The following COPB1 variants were observed in gnomAD, a reference collection of about 807,000 sequenced individuals.
The protein encoded by COPB1 is coatomer subunit beta.
Under a neutral mutation model 108.7 loss-of-function variants are expected in COPB1, and 21 were observed. The ratio of observed to expected loss-of-function variants is 0.19; its 90% CI spans 0.14 to 0.28. The LOEUF (loss-of-function observed/expected upper bound fraction) is 0.28. Ranked by LOEUF, COPB1 falls within the 10% of genes least tolerant of loss-of-function variation. The pLI is 1.00. For synonymous variants in COPB1, 378 were observed against 386.8 expected (o/e 0.98, Z 0.27); for missense variants, 919 against 1,141.3 (o/e 0.81, Z 2.81).
Position 14,457,888 on chromosome 11 carries a change from A to G in COPB1, c.2803-5T>C. ...TCCAAGACTTAAGGCCATTCCCTGT[A>G]AAGAAAAATTAAGATATTTATAATT... is the stretch of plus-strand genomic sequence containing the variant. On this transcript the variant is annotated splice_region_variant and splice_polypyrimidine_tract_variant and intron_variant, in intron 21 of 21. Coordinates refer to ENST00000439561, the MANE Select transcript of COPB1 (RefSeq NM_001144061.2). The G allele has an allele frequency of 6.5e-7, 1 of 1,542,538 alleles. No individual in the cohort carries two copies. The highest frequency in any genetic ancestry group is 1.4e-5 in the African/African-American group (1 of 72,290).
chr11:14,497,825 T>C (rs911509122), intron 2 of COPB1, among the ~76,000 whole-genome samples: 3 of 152,022 alleles, frequency 2.0e-5, no homozygotes, highest in African/African-American at 7.2e-5. Flanking sequence ...ATAAAGAAAA[T>C]GTGGTACATA....
At position 14,457,781 on chromosome 11, in the gene COPB1, T is replaced by A; in HGVS notation, c.*43A>T. On this transcript the variant is annotated 3_prime_UTR_variant, in exon 22 of 22. Transcript: ENST00000439561. The stretch of plus-strand genomic sequence containing the variant: ...AAGATGTTGGAGTCCAGTAAGCCCA[T>A]ACCTAAATTAACTGTAAAGCTTCAA... 1.6e-6 allele frequency: 2 copies of A among 1,253,112 alleles called. No individual in the cohort carries two copies. Among genetic ancestry groups the A allele is most frequent in the Non-Finnish European group, 1.2e-6 (1 of 854,526 alleles). The allele number at this position is 1,253,112 out of a possible 1,614,324, so 77.6% of individuals were successfully genotyped here.
Position 14,460,279 on chromosome 11 carries a change from T to C in COPB1, c.2575A>G (p.Met859Val), listed in dbSNP as rs773307855. 1.2e-6 allele frequency: 2 copies of C among 1,610,254 alleles called. No individual in the cohort carries two copies. Among genetic ancestry groups the C allele is most frequent in the Non-Finnish European group, 8.5e-7 (1 of 1,177,664 alleles). Residue 859 changes from methionine (M) to valine (V), a missense_variant, in exon 20 of 22, where the codon ATG (methionine) becomes GTG (valine). Transcript: ENST00000439561. Reference sequence around the variant, plus strand: ...TGTAAGTAGTCATTTAAATCAACCATGTTGGTGTTAACTGTCACCTGTAGA... The same window carrying C: ...TGTAAGTAGTCATTTAAATCAACCACGTTGGTGTTAACTGTCACCTGTAGA... ...WENKVTVNTN[M>V]VDLNDYLQHI...
intron 18 of COPB1, among the ~76,000 whole-genome samples, chr11:14,464,044 G>A (rs1213877588): frequency 1.3e-5 from 2 of 152,118 alleles, no homozygotes; most frequent in Non-Finnish European, 2.9e-5. Flanking sequence ...TCTCTCCACA[G>A]ATAAAGTCTA....
chr11:14,478,830 C>G (rs1850589460), intron 11 of COPB1: 2 of 151,756 alleles, frequency 1.3e-5, no homozygotes, highest in Non-Finnish European at 2.9e-5. Context: ...TAAATTTATT[C>G]AGAAAAACTT....
At chr11:14,460,082 A>G (rs1850110887) in intron 20 of COPB1, 126 bp downstream of exon 20, 1 of 589,672 alleles carries the variant, frequency 1.7e-6, no homozygotes, top group Non-Finnish European at 3.0e-6. Context: ...ATGGGATAAC[A>G]TCTTTTAGAT....
chr11:14,460,564 C>T (rs566194298), intron 19 of COPB1, among the ~76,000 whole-genome samples: 38 of 152,008 alleles, frequency 2.5e-4, no homozygotes, highest in African/African-American at 8.7e-4. Context: ...GTCACCCAGG[C>T]TAGAGTGCAG....
chr11:14,457,936 A>G (rs1243857223), intron 21 of COPB1, 53 bp from the exon 22 acceptor site: 2 of 1,076,492 alleles, frequency 1.9e-6, no homozygotes, highest in Admixed American at 5.0e-5. Context: ...TACAATCAGT[A>G]GGTTATTCCA....
chr11:14,462,233 C>CTT (rs928263474), intron 18 of COPB1, among the ~76,000 whole-genome samples: 10 of 134,184 alleles, frequency 7.5e-5, no homozygotes, highest in Admixed American at 2.2e-4. Flanking sequence ...CTTTTCTTTT[C>CTT]TTTTTTTTTT....
rs1850825804 is a variant in COPB1, at chr11:14,488,581, G to A, written c.610C>T (p.Arg204Ter). 6.3e-7 allele frequency: 1 copy of A among 1,591,916 alleles called. No individual in the cohort carries two copies. The highest frequency in any genetic ancestry group is 8.6e-7 in the Non-Finnish European group (1 of 1,166,698). Residue 204 changes from arginine to a stop codon, truncating the protein, a stop_gained, in exon 6 of 22, where the codon CGA (arginine) becomes TGA (stop). Coordinates refer to ENST00000439561, the MANE Select transcript of COPB1 (RefSeq NM_001144061.2). LOFTEE classifies it high-confidence loss of function. ...FMMLIHADQD[R>*]ALDYLSTCID... is the part of the protein sequence containing the mutation. ...CAAGTACTTAAGTAATCCAAAGCTCGATCCTAAAAAAAATAAGAATATATT... is the reference window on the plus strand; with the variant it reads ...CAAGTACTTAAGTAATCCAAAGCTCAATCCTAAAAAAAATAAGAATATATT...
chr11:14,458,634 T>C lies in COPB1; in HGVS notation c.2700A>G (p.Ile900Met). The change falls in exon 21 of 22, where the codon ATA becomes ATG. Residue 900 changes from isoleucine (I) to methionine (M), a missense_variant. By Grantham distance (10) the Ile-to-Met change is conservative. Coordinates refer to ENST00000439561, the MANE Select transcript of COPB1 (RefSeq NM_001144061.2). Reference sequence around the variant, plus strand: ...CATTTGCAAGTGCATCTTCACCAAATATGGAACGAGCATAAAGGTTGGCTG... The same window carrying C: ...CATTTGCAAGTGCATCTTCACCAAACATGGAACGAGCATAAAGGTTGGCTG... The part of the protein sequence containing the change: ...FMAANLYARS[I>M]FGEDALANVS... 1.2e-6 allele frequency: 2 copies of C among 1,613,872 alleles called. No homozygotes were observed. Among genetic ancestry groups the C allele is most frequent in the Non-Finnish European group, 1.7e-6 (2 of 1,179,930 alleles).
intron 8 of COPB1, among the ~76,000 whole-genome samples, chr11:14,482,745 A>T (rs1414943091): frequency 1.3e-5 from 2 of 152,212 alleles, no homozygotes; most frequent in Non-Finnish European, 2.9e-5. Context: ...CATGTTGGCC[A>T]GGCTGGTCTC....
chr11:14,477,768 C>T (rs1167860033), intron 11 of COPB1, among the ~76,000 whole-genome samples: 6 of 151,830 alleles, frequency 4.0e-5, no homozygotes, highest in South Asian at 4.2e-4. Context: ...TGCAGTGGCA[C>T]GCACCTGTAG....
intron 3 of COPB1, among the ~76,000 whole-genome samples, 154 bp from the exon 4 acceptor site, chr11:14,493,965 T>C (rs1289138626): frequency 1.3e-5 from 2 of 152,246 alleles, no homozygotes; most frequent in African/African-American, 4.8e-5. Flanking sequence ...GAAGCAATTT[T>C]TACCTATCTC....
chr11:14,479,172 G>A (rs1314619738), intron 11 of COPB1, among the ~76,000 whole-genome samples: 1 of 152,078 alleles, frequency 6.6e-6, no homozygotes, highest in Non-Finnish European at 1.5e-5. Context: ...AGATGCAACA[G>A]TCCTTTCTCA....
intron 11 of COPB1, 49 bp from the exon 12 acceptor site, chr11:14,477,064 A>G: frequency 8.2e-7 from 1 of 1,221,342 alleles, no homozygotes; most frequent in Non-Finnish European, 1.2e-6. Flanking sequence ...CAAATCTTGA[A>G]GCAGAGATCT....
At chr11:14,460,663 C>T (rs886144684) in intron 19 of COPB1, among the ~76,000 whole-genome samples, 5 of 151,988 alleles carry the variant, frequency 3.3e-5, no homozygotes, top group East Asian at 1.9e-4. Flanking sequence ...ACTACCACAC[C>T]GGGCTAATTT....
rs534310342 is a variant in COPB1, at chr11:14,480,717, C to A, written c.1212+42G>T. The A allele has an allele frequency of 2.1e-4, 326 of 1,574,946 alleles. 2 individuals are homozygous for A. The South Asian group carries it at 3.4e-3, about 17-fold the overall frequency. On this transcript the variant is annotated intron_variant, in intron 10 of 21. Transcript: ENST00000439561. ...AAATAACTATATTTTTTAAAAAATT[C>A]TTTTAGATAATTTCAAAATTAAAGT...
Position 14,494,748 on chromosome 11 carries a change from C to T in COPB1, c.92-309G>A, listed in dbSNP as rs565781417. 1.0e-4 allele frequency: 24 copies of T among 230,278 alleles called. No homozygotes were observed. The South Asian group carries it at 1.5e-3, about 14-fold the overall frequency. The allele number at this position is 230,278 out of a possible 1,614,324, so 14.3% of individuals were successfully genotyped here. ...TGAATCTACAGTCATACCAAGTAAA[C>T]GTGTTTCAAAACACATATAGCTATT... On this transcript the variant is annotated intron_variant, in intron 2 of 21. Coordinates refer to ENST00000439561, the MANE Select transcript of COPB1 (RefSeq NM_001144061.2).
Sources: allele counts gnomAD v4.1 joint callset (sites outside exome capture counted in the v4.1 genomes callset), GRCh38; gene constraint gnomAD v4.1.1; transcripts MANE v1.5; gene names NCBI Gene and HGNC (gene_info 2026-07-23, HGNC 2026-07-21).